Variants in GARIN5A observed in about 807,000 individuals in gnomAD.
The protein encoded by GARIN5A is Golgi-associated RAB2 interactor protein 5A.
At chr19:50,475,763 G>T in the GARIN5A span, 1 of 1,129,894 alleles carries the variant, frequency 8.9e-7, no homozygotes, top group Non-Finnish European at 1.3e-6. Context: ...GGGAGCAGGG[G>T]CTTTCCAAGT....
At chr19:50,474,821 A>G in the GARIN5A span, among the ~76,000 whole-genome samples, 1 of 152,138 alleles carries the variant, frequency 6.6e-6, no homozygotes, top group Non-Finnish European at 1.5e-5. Flanking sequence ...TATGACGTAA[A>G]GGGGCAGTGT....
chr19:50,475,333 T>C, the GARIN5A span: 3 of 1,578,720 alleles, frequency 1.9e-6, no homozygotes, highest in Non-Finnish European at 2.6e-6. Context: ...ACCCGAAGAG[T>C]TGCAGGTGTC....
chr19:50,473,028 A>G, the GARIN5A span, among the ~76,000 whole-genome samples: 1 of 152,162 alleles, frequency 6.6e-6, no homozygotes, highest in South Asian at 2.1e-4. Context: ...ACAACACATA[A>G]ACAAAAATAA....
the GARIN5A span, among the ~76,000 whole-genome samples, chr19:50,474,419 C>T: frequency 6.6e-6 from 1 of 150,678 alleles, no homozygotes; most frequent in African/African-American, 2.4e-5. Context: ...AATCTCAGCT[C>T]ACTGCAACCT....
chr19:50,476,764 G>T, the GARIN5A span: 1 of 710,598 alleles, frequency 1.4e-6, no homozygotes, highest in Non-Finnish European at 2.2e-6. Context: ...GGCTGAGAGG[G>T]AAGAGGTGGG....
chr19:50,467,922 T>G, the GARIN5A span: 1 of 1,076,778 alleles, frequency 9.3e-7, no homozygotes, highest in East Asian at 2.6e-5. Context: ...CACCCCTCCC[T>G]CTGCCCCACG....
the GARIN5A span, chr19:50,476,399 T>A: frequency 3.9e-6 from 6 of 1,550,550 alleles, no homozygotes; most frequent in Non-Finnish European, 5.2e-6. Flanking sequence ...CCTGCTGACG[T>A]CAGGCCCCAG....
the GARIN5A span, chr19:50,476,233 G>A: frequency 1.9e-6 from 3 of 1,613,572 alleles, no homozygotes; most frequent in African/African-American, 1.3e-5. Context: ...GCGGACGGAG[G>A]AGCAGAGGGA....
the GARIN5A span, among the ~76,000 whole-genome samples, chr19:50,471,725 CAT>C: frequency 6.8e-6 from 1 of 146,634 alleles, no homozygotes; most frequent in African/African-American, 2.6e-5. Flanking sequence ...TATACGCATA[CAT>C]GCACGTGTGT....
chr19:50,476,475 C>T, the GARIN5A span: 5 of 1,574,730 alleles, frequency 3.2e-6, no homozygotes, highest in Admixed American at 3.5e-5. Flanking sequence ...CAGGATGCGG[C>T]CTGTTCCTCC....
the GARIN5A span, among the ~76,000 whole-genome samples, chr19:50,470,657 G>GT: frequency 0.39 from 52,706 of 133,890 alleles, 11,081 homozygotes; most frequent in Non-Finnish European, 0.46. Flanking sequence ...GGCTACTGCT[G>GT]TTTTTTTTTT....
chr19:50,472,911 A>G, the GARIN5A span, among the ~76,000 whole-genome samples: 2 of 151,756 alleles, frequency 1.3e-5, no homozygotes, highest in Non-Finnish European at 2.9e-5. Flanking sequence ...GGCCAGGCAC[A>G]GTGGCTCATG....
At chr19:50,474,777 G>A in the GARIN5A span, among the ~76,000 whole-genome samples, 446 of 152,198 alleles carry the variant, frequency 2.9e-3, 1 homozygote, top group African/African-American at 0.01. Context: ...GTGGGCCACC[G>A]CACCCGATCT....
the GARIN5A span, among the ~76,000 whole-genome samples, chr19:50,472,890 GAATA>G: frequency 2.2e-3 from 339 of 151,878 alleles, 1 homozygote; most frequent in African/African-American, 7.9e-3. Flanking sequence ...ATGAATGAAT[GAATA>G]AATAAAGGCC....
chr19:50,476,791 A>G, the GARIN5A span: 1 of 617,446 alleles, frequency 1.6e-6, no homozygotes, highest in Admixed American at 3.6e-5. Context: ...CTGGAAAGCC[A>G]GGCCTCAGTC....
At chr19:50,476,082 G>A in the GARIN5A span, 1 of 1,609,846 alleles carries the variant, frequency 6.2e-7, no homozygotes, top group South Asian at 1.1e-5. Flanking sequence ...ATCCTACTTG[G>A]TTCCTTCACC....
chr19:50,475,312 TG>T, the GARIN5A span: 8 of 1,575,188 alleles, frequency 5.1e-6, no homozygotes, highest in Admixed American at 1.7e-5. Context: ...TCGGCTGAGG[TG>T]GGGGCAGTTA....
At chr19:50,468,129 G>A in the GARIN5A span, among the ~76,000 whole-genome samples, 2 of 152,190 alleles carry the variant, frequency 1.3e-5, no homozygotes, top group African/African-American at 4.8e-5. Context: ...GGGAGGCTGA[G>A]GCAGGAGGAT....
chr19:50,472,217 T>TGC, the GARIN5A span, among the ~76,000 whole-genome samples: 10 of 109,136 alleles, frequency 9.2e-5, no homozygotes, highest in African/African-American at 2.4e-4. Context: ...TACATGTGTG[T>TGC]ATGTATATAT....
Sources: allele counts gnomAD v4.1 joint callset (sites outside exome capture counted in the v4.1 genomes callset), GRCh38; gene constraint gnomAD v4.1.1; transcripts MANE v1.5; gene names NCBI Gene and HGNC (gene_info 2026-07-23, HGNC 2026-07-21).